Variants in FBXO25 observed in about 807,000 individuals in gnomAD.
The protein encoded by FBXO25 is F-box only protein 25.
Under a neutral mutation model 51.9 loss-of-function variants are expected in FBXO25, and 45 were observed. The observed-to-expected ratio is 0.87, with a 90% CI of 0.68 to 1.11. The LOEUF (loss-of-function observed/expected upper bound fraction) is 1.11. FBXO25 is among the 50% of genes most tolerant of loss of function. The probability of loss-of-function intolerance (pLI) is 0.00; values close to 1 mark genes in which losing one functional copy is unlikely to be tolerated. For missense variants in FBXO25, 507 were observed against 428.5 expected, an observed-to-expected ratio of 1.18 and a Z score of -1.62; for synonymous variants, 199 against 151.0, an observed-to-expected ratio of 1.32 and a Z score of -2.33.
rs374465603 is a variant in FBXO25, at chr8:468,825, A to G, written c.*21A>G. The G allele has an allele frequency of 2.2e-4, 359 of 1,610,032 alleles. 7 individuals are homozygous for G. In the South Asian group the frequency reaches 3.8e-3, roughly 17 times the overall value. On this transcript the variant is annotated 3_prime_UTR_variant, in exon 10 of 10. Transcript: ENST00000350302. ...TTTAAGGGCTGCCCCTGCCATCCCT[A>G]TTGGAGATTGTGAATCCTGCTGTCT...
At chr8:435,317 C>G (rs1798040041) in intron 4 of FBXO25, 1 of 394,534 alleles carries the variant, frequency 2.5e-6, no homozygotes, top group Non-Finnish European at 4.5e-6. Flanking sequence ...GTCGTCCACA[C>G]CCCAGTTTGT....
At chr8:454,329 T>G (rs1025083040) in intron 7 of FBXO25, among the ~76,000 whole-genome samples, 1 of 152,238 alleles carries the variant, frequency 6.6e-6, no homozygotes, top group African/African-American at 2.4e-5. Flanking sequence ...TGCACATCTC[T>G]GTGACTCAGT....
chr8:468,000 T>C lies in FBXO25; in HGVS notation c.988-715T>C, dbSNP rs56125068. Reference sequence around the variant, plus strand: ...GCTGCTAGATGTGCGCATAAACACTTCACCACACAGCACCTGGTTTGGCAG... The same window carrying C: ...GCTGCTAGATGTGCGCATAAACACTCCACCACACAGCACCTGGTTTGGCAG... On this transcript the variant is annotated intron_variant, in intron 9 of 9. Coordinates refer to ENST00000350302, the MANE Select transcript of FBXO25 (RefSeq NM_183420.2). The C allele has an allele frequency of 8.7e-3, 11,679 of 1,340,806 alleles. 745 individuals carry two copies. In the African/African-American group the frequency reaches 0.15, roughly 17 times the overall value. The allele number at this position is 1,340,806 out of a possible 1,614,324, so 83.1% of individuals were successfully genotyped here.
intron 5 of FBXO25, among the ~76,000 whole-genome samples, chr8:447,268 G>A (rs750234385): frequency 2.6e-5 from 4 of 152,134 alleles, no homozygotes; most frequent in Non-Finnish European, 4.4e-5. Context: ...TGCAGGTAGC[G>A]GCTGGGGGAG....
At chr8:437,611 G>C (rs1798178316) in intron 5 of FBXO25, among the ~76,000 whole-genome samples, 2 of 152,214 alleles carry the variant, frequency 1.3e-5, no homozygotes. Flanking sequence ...AGCAGCCTTT[G>C]TGACTGTGGT....
At chr8:461,812 C>T (rs1343870646) in intron 8 of FBXO25, among the ~76,000 whole-genome samples, 1 of 152,160 alleles carries the variant, frequency 6.6e-6, no homozygotes, top group Non-Finnish European at 1.5e-5. Context: ...CTTACGGCTC[C>T]ATGTTGTAGA....
intron 2 of FBXO25, among the ~76,000 whole-genome samples, chr8:428,313 T>G (rs1397291297): frequency 6.6e-6 from 1 of 152,144 alleles, no homozygotes; most frequent in Non-Finnish European, 1.5e-5. Flanking sequence ...GGCTGTTAGC[T>G]CCATCATTCA....
At chr8:456,903 G>T (rs1244461836) in intron 7 of FBXO25, among the ~76,000 whole-genome samples, 1 of 152,164 alleles carries the variant, frequency 6.6e-6, no homozygotes, top group Admixed American at 6.5e-5. Context: ...GGGGTGTCAA[G>T]GCACGGGTGC....
chr8:439,767 C>G (rs1303083582), intron 5 of FBXO25, among the ~76,000 whole-genome samples: 1 of 152,162 alleles, frequency 6.6e-6, no homozygotes, highest in East Asian at 1.9e-4. Flanking sequence ...TCCCAAGGAT[C>G]TCTTAAATGT....
At chr8:418,904 A>C (rs1796980840) in intron 2 of FBXO25, among the ~76,000 whole-genome samples, 1 of 152,194 alleles carries the variant, frequency 6.6e-6, no homozygotes, top group African/African-American at 2.4e-5. Context: ...GATGGATTTT[A>C]GAATGAACTG....
Position 413,090 on chromosome 8 carries a change from T to C in FBXO25, c.11T>C (p.Leu4Ser). Reference protein sequence around the residue: MPFLGQDWRSPGWS... With the variant: MPFSGQDWRSPGWS... ...TTTCATAGGAGAACTATGCCATTTTTGGGTCAGGACTGGAGATCTCCTGGA... is the reference window on the plus strand; with the variant it reads ...TTTCATAGGAGAACTATGCCATTTTCGGGTCAGGACTGGAGATCTCCTGGA... The change falls in exon 2 of 10, where the codon TTG becomes TCG. Residue 4 changes from leucine (L) to serine (S), a missense_variant. By Grantham distance (145) the Leu-to-Ser change is moderately radical. Transcript: ENST00000350302. 6.5e-7 allele frequency: 1 copy of C among 1,542,940 alleles called. No individual in the cohort carries two copies. The highest frequency in any genetic ancestry group is 1.3e-5 in the South Asian group (1 of 77,266).
chr8:440,429 GA>G (rs1195929616), intron 5 of FBXO25, among the ~76,000 whole-genome samples: 1 of 152,198 alleles, frequency 6.6e-6, no homozygotes, highest in Non-Finnish European at 1.5e-5. Flanking sequence ...GAGATGGGCT[GA>G]AGGTCACAAT....
intron 1 of FBXO25, among the ~76,000 whole-genome samples, chr8:411,787 G>A (rs1235450061): frequency 6.6e-6 from 1 of 152,080 alleles, no homozygotes; most frequent in East Asian, 1.9e-4. Flanking sequence ...GTTTGGACGG[G>A]GAGTCAGGGA....
At chr8:449,662 T>A (rs1483867155) in intron 5 of FBXO25, among the ~76,000 whole-genome samples, 2 of 152,206 alleles carry the variant, frequency 1.3e-5, no homozygotes, top group Non-Finnish European at 2.9e-5. Flanking sequence ...TGTGCCCTTT[T>A]GCTACAGAGG....
At chr8:407,381 G>T in intron 1 of FBXO25, 1 of 984,010 alleles carries the variant, frequency 1.0e-6, no homozygotes, top group Non-Finnish European at 1.2e-6. Context: ...CCGCGGGCGC[G>T]TCAGGTAGGG....
At chr8:413,919 A>G (rs1185070473) in intron 2 of FBXO25, among the ~76,000 whole-genome samples, 3 of 152,230 alleles carry the variant, frequency 2.0e-5, no homozygotes, top group South Asian at 2.1e-4. Flanking sequence ...TGGCTATTGT[A>G]TGATGACTAC....
chr8:420,205 A>G (rs894958735), intron 2 of FBXO25, among the ~76,000 whole-genome samples: 2 of 152,108 alleles, frequency 1.3e-5, no homozygotes, highest in Non-Finnish European at 2.9e-5. Flanking sequence ...GGTGATTTGG[A>G]AGGCTGTGCA....
chr8:434,546 G>T (rs866159085), intron 4 of FBXO25, among the ~76,000 whole-genome samples: 1 of 152,188 alleles, frequency 6.6e-6, no homozygotes. Flanking sequence ...TTGGCGCACA[G>T]AAGCACATGA....
chr8:426,892 G>A (rs184949159), intron 2 of FBXO25, among the ~76,000 whole-genome samples: 44 of 152,150 alleles, frequency 2.9e-4, no homozygotes, highest in Admixed American at 2.0e-4. Flanking sequence ...TAAGTGTGTC[G>A]TGTTAGATAT....
Sources: allele counts gnomAD v4.1 joint callset (sites outside exome capture counted in the v4.1 genomes callset), GRCh38; gene constraint gnomAD v4.1.1; transcripts MANE v1.5; gene names NCBI Gene and HGNC (gene_info 2026-07-23, HGNC 2026-07-21).